The following ZNF180 variants were observed in gnomAD, a reference collection of about 807,000 sequenced individuals.
ZNF180 encodes the protein zinc finger protein 180 (HHZ168).
Under a neutral mutation model 11.8 loss-of-function variants are expected in ZNF180, and 11 were observed. That is an observed-to-expected ratio of 0.93 (90% CI 0.59 to 1.55). ZNF180 has a LOEUF of 1.55. Among genes scored for constraint, ZNF180 ranks in the 40% most tolerant of loss-of-function variants. ZNF180 has a pLI of 0.00. For missense variants in ZNF180, 773 were observed against 781.7 expected, an observed-to-expected ratio of 0.99 and a Z score of 0.13; for synonymous variants, 287 against 257.7, an observed-to-expected ratio of 1.11 and a Z score of -1.09.
chr19:44,485,071 G>C (rs1970190270), intron 2 of ZNF180: 2 of 145,162 alleles, frequency 1.4e-5, no homozygotes, highest in Middle Eastern at 3.8e-3. Flanking sequence ...TGAGGCAGGA[G>C]AATCACTTGA....
intron 3 of ZNF180, among the ~76,000 whole-genome samples, chr19:44,483,868 C>T (rs953424254): frequency 6.6e-6 from 1 of 152,032 alleles, no homozygotes; most frequent in African/African-American, 2.4e-5. Flanking sequence ...TATTTTCAAT[C>T]CCTTTAAAAA....
In ZNF180 at chr19:44,477,111, C is replaced by A. The variant is rs937668535; in HGVS notation, c.1289G>T (p.Arg430Ile). ...RQSYKLIAHQ[R>I]THTGEKPYEC... ...ATAGGGCTTCTCTCCGGTATGTGTTCTTTGATGTGCAATAAGTTTATAGCT... is the reference window on the plus strand; with the variant it reads ...ATAGGGCTTCTCTCCGGTATGTGTTATTTGATGTGCAATAAGTTTATAGCT... The change falls in exon 5 of 5, where the codon AGA becomes ATA. Residue 430 changes from arginine to isoleucine, a missense_variant. Physicochemically the swap from Arg to Ile is moderately conservative, Grantham distance 97. Coordinates refer to ENST00000592529, the MANE Select transcript of ZNF180 (RefSeq NM_001278509.3). The A allele has an allele frequency of 1.2e-6, 2 of 1,614,052 alleles. No individual in the cohort carries two copies.
At chr19:44,494,458 A>G (rs2123499849) in intron 2 of ZNF180, among the ~76,000 whole-genome samples, 1 of 152,298 alleles carries the variant, frequency 6.6e-6, no homozygotes, top group South Asian at 2.1e-4. Context: ...TGATCCCAGG[A>G]GTTCGAGACC....
chr19:44,479,391 T>C lies in ZNF180; in HGVS notation c.145A>G (p.Ile49Val). The C allele has an allele frequency of 6.2e-7, 1 of 1,613,904 alleles. No homozygotes were observed. The highest frequency in any genetic ancestry group is 8.5e-7 in the Non-Finnish European group (1 of 1,179,878). Residue 49 changes from isoleucine (I) to valine (V), a missense_variant, in exon 4 of 5, where the codon ATT becomes GTT. Transcript: ENST00000592529. Reference protein sequence around the residue: ...IPSQEGVNFKIVTVDFTREEQ... With the variant: ...IPSQEGVNFKVVTVDFTREEQ... Reference sequence around the variant, plus strand: ...TCCCGTGTGAAGTCCACAGTCACAATTTTGAAGTTCACTCCTTCCTAAAAA... The same window carrying C: ...TCCCGTGTGAAGTCCACAGTCACAACTTTGAAGTTCACTCCTTCCTAAAAA...
intron 2 of ZNF180, among the ~76,000 whole-genome samples, chr19:44,491,150 T>A (rs1208444796): frequency 2.0e-5 from 3 of 152,230 alleles, no homozygotes; most frequent in Non-Finnish European, 4.4e-5. Flanking sequence ...AGAAGGGACA[T>A]GGAATGTGCT....
chr19:44,499,503 A>G (rs1032117387), intron 1 of ZNF180, among the ~76,000 whole-genome samples: 1 of 152,088 alleles, frequency 6.6e-6, no homozygotes, highest in Admixed American at 6.6e-5. Context: ...GTCTCTGCCC[A>G]TCTTGAATGC....
intron 2 of ZNF180, among the ~76,000 whole-genome samples, chr19:44,496,128 C>T (rs1332970462): frequency 6.6e-6 from 1 of 151,962 alleles, no homozygotes; most frequent in East Asian, 2.0e-4. Context: ...AGGCGATCCT[C>T]CCACCTCACC....
In ZNF180 at chr19:44,476,124, T is replaced by C; in HGVS notation, c.*278A>G. ...TTTTCTCTGATTCAGGTCTGAGTGC[T>C]TTCTGCAAGGAAAAGTGCCAGTATT... is the stretch of plus-strand genomic sequence containing the variant. On this transcript the variant is annotated 3_prime_UTR_variant, in exon 5 of 5. Coordinates refer to ENST00000592529, the MANE Select transcript of ZNF180 (RefSeq NM_001278509.3). 1 of 296,014 alleles carries C rather than the reference T, an allele frequency of 3.4e-6. No individual in the cohort carries two copies. The highest frequency in any genetic ancestry group is 6.2e-6 in the Non-Finnish European group (1 of 160,648). 18.3% of individuals were successfully genotyped at this position (296,014 alleles called of 1,614,324 possible).
Position 44,476,677 on chromosome 19 carries a change from C to A in ZNF180, c.1723G>T (p.Glu575Ter). 1 of 1,614,182 alleles carries A rather than the reference C, an allele frequency of 6.2e-7. No homozygotes were observed. Among genetic ancestry groups the A allele is most frequent in the Non-Finnish European group, 8.5e-7 (1 of 1,180,010 alleles). The change falls in exon 5 of 5, where the codon GAA becomes TAA. Residue 575 changes from glutamate (E) to a stop codon, truncating the protein, a stop_gained. Transcript: ENST00000592529. LOFTEE classifies it low-confidence loss of function (END_TRUNC). ...LVVHQRTHTG[E>*]KPYECSQCGK... ...CATTGACTGCATTCATAGGGCTTTT[C>A]TCCAGTATGAGTTCTCTGATGTACA...
intron 4 of ZNF180, among the ~76,000 whole-genome samples, chr19:44,478,947 T>C (rs1483670044): frequency 6.6e-6 from 1 of 152,202 alleles, no homozygotes; most frequent in African/African-American, 2.4e-5. Flanking sequence ...ATTCTTTCCC[T>C]TGCTCCAACT....
intron 2 of ZNF180, among the ~76,000 whole-genome samples, chr19:44,488,543 G>C (rs1970311543): frequency 1.3e-5 from 2 of 152,182 alleles, no homozygotes; most frequent in South Asian, 4.1e-4. Context: ...TGGGATTGCA[G>C]ACGGAGTCTC....
In ZNF180 at chr19:44,494,016, C is replaced by T. The variant is rs113910204; in HGVS notation, c.51+3268G>A. Among the ~76,000 whole-genome samples the T allele has an allele frequency of 5.5e-4, 83 of 152,226 alleles. 2 individuals are homozygous for T. The highest frequency in any genetic ancestry group is 1.5e-3 in the African/African-American group (62 of 41,516). ...TTCCTGACCCTCAGAAATTGTGTGACGAAATAAACATTGGCTATTTTAAGC... is the reference window on the plus strand; with the variant it reads ...TTCCTGACCCTCAGAAATTGTGTGATGAAATAAACATTGGCTATTTTAAGC... On this transcript the variant is annotated intron_variant, in intron 2 of 4. Coordinates refer to ENST00000592529, the MANE Select transcript of ZNF180 (RefSeq NM_001278509.3).
At chr19:44,492,450 C>A (rs529497885) in intron 2 of ZNF180, among the ~76,000 whole-genome samples, 91 of 152,240 alleles carry the variant, frequency 6.0e-4, no homozygotes, top group Non-Finnish European at 1.2e-3. Context: ...GCAGACTTTA[C>A]GAAATGGGAA....
At chr19:44,486,375 TAATTA>T (rs1452249659) in intron 2 of ZNF180, among the ~76,000 whole-genome samples, 1 of 152,226 alleles carries the variant, frequency 6.6e-6, no homozygotes, top group East Asian at 1.9e-4. Flanking sequence ...CCACTTATTT[TAATTA>T]AATATTTGGA....
chr19:44,490,621 C>T (rs933441963), intron 2 of ZNF180, among the ~76,000 whole-genome samples: 1 of 151,974 alleles, frequency 6.6e-6, no homozygotes, highest in African/African-American at 2.4e-5. Context: ...ATTACAAACT[C>T]CTTCAGATAA....
At chr19:44,489,997 G>GAA (rs1970394336) in intron 2 of ZNF180, among the ~76,000 whole-genome samples, 1 of 60,304 alleles carries the variant, frequency 1.7e-5, no homozygotes, top group Non-Finnish European at 2.9e-5. Flanking sequence ...GAAAAAGCAA[G>GAA]AAAGAAAGAA....
intron 4 of ZNF180, 61 bp downstream of exon 4, chr19:44,479,222 C>T (rs539150522): frequency 2.3e-5 from 36 of 1,577,732 alleles, no homozygotes; most frequent in Admixed American, 1.8e-4. Flanking sequence ...AGTTCTTAAT[C>T]GATCAGAATG....
rs369399080 is a variant in ZNF180, at chr19:44,476,802, C to T, written c.1598G>A (p.Arg533His). The change falls in exon 5 of 5, where the codon CGC becomes CAC. Residue 533 changes from arginine (R) to histidine (H), a missense_variant. Coordinates refer to ENST00000592529, the MANE Select transcript of ZNF180 (RefSeq NM_001278509.3). ...ECSECGKSFNRSSHLVMHQRI... is the reference protein window; with the variant it reads ...ECSECGKSFNHSSHLVMHQRI... ...CTGATGCATAACAAGGTGAGAACTG[C>T]GGTTAAAAGATTTTCCACATTCACT... is the stretch of plus-strand genomic sequence containing the variant. The T allele has an allele frequency of 1.1e-5, 18 of 1,612,184 alleles. No individual in the cohort carries two copies. Among genetic ancestry groups the T allele is most frequent in the South Asian group, 3.3e-5 (3 of 90,974 alleles).
In ZNF180 at chr19:44,495,723, C is replaced by G. The variant is rs1970561966; in HGVS notation, c.51+1561G>C. 1.3e-5 allele frequency among the ~76,000 whole-genome samples: 2 copies of G among 152,156 alleles called. No individual in the cohort carries two copies. The highest frequency in any genetic ancestry group is 4.1e-4 in the South Asian group (2 of 4,832). ...GGCCTCAGCCACTTGGGCTCTGACA[C>G]CCACATTGGGCTGCACCACGTGCAC... On this transcript the variant is annotated intron_variant, in intron 2 of 4. Transcript: ENST00000592529. The surrounding 1 kb of genome is among the most constrained non-coding windows in gnomAD (Gnocchi z 4.5).
Sources: allele counts gnomAD v4.1 joint callset (sites outside exome capture counted in the v4.1 genomes callset), GRCh38; gene constraint gnomAD v4.1.1; non-coding constraint Gnocchi (gnomAD v3.1); transcripts MANE v1.5; gene names NCBI Gene and HGNC (gene_info 2026-07-23, HGNC 2026-07-21).